CDYL2: variants seen among roughly 807,000 people sequenced by gnomAD.
CDYL2 encodes the protein chromodomain Y-like protein 2.
Under a neutral mutation model 49.4 loss-of-function variants are expected in CDYL2, and 23 were observed. The observed-to-expected ratio is 0.47, with a 90% CI of 0.34 to 0.66. The LOEUF is 0.66. Ranked by LOEUF, CDYL2 falls within the 30% of genes least tolerant of loss-of-function variation. The probability of loss-of-function intolerance (pLI) is 0.01; values close to 1 mark genes in which losing one functional copy is unlikely to be tolerated. For missense variants in CDYL2, 678 were observed against 656.4 expected (o/e 1.03, Z -0.36); for synonymous variants, 360 against 268.8 (o/e 1.34, Z -3.32).
chr16:80,616,063 C>T (rs914721876), intron 4 of CDYL2, among the ~76,000 whole-genome samples: 11 of 152,210 alleles, frequency 7.2e-5, no homozygotes, highest in African/African-American at 1.9e-4. Context: ...CTGCTCTACC[C>T]GACCCCTGTG....
At chr16:80,789,170 G>T (rs1405580079) in intron 1 of CDYL2, among the ~76,000 whole-genome samples, 1 of 152,062 alleles carries the variant, frequency 6.6e-6, no homozygotes, top group Non-Finnish European at 1.5e-5. Context: ...ATACACTATT[G>T]CTGGGAATGT....
chr16:80,737,834 T>C (rs1418719964), intron 1 of CDYL2, among the ~76,000 whole-genome samples: 4 of 152,180 alleles, frequency 2.6e-5, no homozygotes, highest in Admixed American at 2.6e-4. Context: ...ATGGGAGAGA[T>C]TCTTTTTTCT....
intron 2 of CDYL2, among the ~76,000 whole-genome samples, chr16:80,635,792 C>G (rs554561980): frequency 2.0e-5 from 3 of 152,294 alleles, no homozygotes; most frequent in Admixed American, 2.0e-4. Context: ...CTGGAGGCAT[C>G]ATGCTACCTG....
At chr16:80,643,436 G>A (rs1436792263) in intron 2 of CDYL2, among the ~76,000 whole-genome samples, 2 of 152,220 alleles carry the variant, frequency 1.3e-5, no homozygotes, top group East Asian at 3.9e-4. Context: ...GGAGGACGGT[G>A]GCCCTTTTCT....
intron 1 of CDYL2, among the ~76,000 whole-genome samples, chr16:80,703,962 T>A (rs116477154): frequency 6.6e-6 from 1 of 152,250 alleles, no homozygotes; most frequent in African/African-American, 2.4e-5. Context: ...CATACTGAAT[T>A]CCAAAGTACA....
chr16:80,646,603 A>C (rs2142412965), intron 2 of CDYL2, among the ~76,000 whole-genome samples: 1 of 152,328 alleles, frequency 6.6e-6, no homozygotes, highest in South Asian at 2.1e-4. Context: ...ATCTTGGCTA[A>C]CATGGTGAAA....
At chr16:80,764,864 T>C (rs910050410) in intron 1 of CDYL2, among the ~76,000 whole-genome samples, 1 of 151,674 alleles carries the variant, frequency 6.6e-6, no homozygotes, top group Non-Finnish European at 1.5e-5. Flanking sequence ...ATCAAGACCA[T>C]TCTGGCTAAC....
At chr16:80,638,976 A>T (rs1193633590) in intron 2 of CDYL2, among the ~76,000 whole-genome samples, 1 of 152,172 alleles carries the variant, frequency 6.6e-6, no homozygotes, top group African/African-American at 2.4e-5. Context: ...AAAAATTTTT[A>T]AATTGGACAT....
intron 1 of CDYL2, among the ~76,000 whole-genome samples, chr16:80,761,430 G>A (rs969588759): frequency 2.0e-5 from 3 of 152,208 alleles, no homozygotes; most frequent in South Asian, 2.1e-4. Context: ...GCTTAGTAGA[G>A]AGCTTGACGT....
chr16:80,633,689 T>A (rs1258705736), intron 2 of CDYL2, among the ~76,000 whole-genome samples: 2 of 151,860 alleles, frequency 1.3e-5, no homozygotes, highest in Non-Finnish European at 2.9e-5. Context: ...CCTTATTTAA[T>A]ATGAGAACCA....
At chr16:80,781,330 G>A (rs1419957985) in intron 1 of CDYL2, among the ~76,000 whole-genome samples, 1 of 151,994 alleles carries the variant, frequency 6.6e-6, no homozygotes, top group Non-Finnish European at 1.5e-5. Context: ...AATCCATCAA[G>A]AAGACATAGC....
intron 3 of CDYL2, among the ~76,000 whole-genome samples, chr16:80,630,542 A>G (rs1907513827): frequency 6.6e-6 from 1 of 152,210 alleles, no homozygotes; most frequent in African/African-American, 2.4e-5. Context: ...GTGTATAAAC[A>G]TATGAAGAGC....
chr16:80,749,825 T>G (rs546398669), intron 1 of CDYL2, among the ~76,000 whole-genome samples: 3 of 152,268 alleles, frequency 2.0e-5, no homozygotes, highest in African/African-American at 7.2e-5. Flanking sequence ...AGCAAAGACT[T>G]GGAACCAACC....
At chr16:80,726,717 C>A (rs935762130) in intron 1 of CDYL2, among the ~76,000 whole-genome samples, 5 of 151,972 alleles carry the variant, frequency 3.3e-5, no homozygotes, top group Non-Finnish European at 7.4e-5. Context: ...ATGGAATATA[C>A]AAAATGAGCC....
At chr16:80,638,345 G>T (rs1597140695) in intron 2 of CDYL2, among the ~76,000 whole-genome samples, 2 of 152,246 alleles carry the variant, frequency 1.3e-5, no homozygotes, top group East Asian at 3.9e-4. Flanking sequence ...AAAGTGCTGG[G>T]ATTATAGGCG....
At chr16:80,705,181 G>C (rs1186173113) in intron 1 of CDYL2, among the ~76,000 whole-genome samples, 1 of 152,234 alleles carries the variant, frequency 6.6e-6, no homozygotes, top group African/African-American at 2.4e-5. Flanking sequence ...TCTGGGACCA[G>C]AGGTGGCATC....
chr16:80,734,258 A>G (rs902508351), intron 1 of CDYL2, among the ~76,000 whole-genome samples: 2 of 152,158 alleles, frequency 1.3e-5, no homozygotes. Context: ...GGGGCCGGGG[A>G]AAGGCAAGGA....
intron 1 of CDYL2, among the ~76,000 whole-genome samples, chr16:80,765,870 C>G (rs1247445496): frequency 5.7e-4 from 52 of 90,452 alleles, no homozygotes; most frequent in African/African-American, 2.3e-3. Context: ...GCAAGACCCT[C>G]ATCTACAAAA....
intron 1 of CDYL2, among the ~76,000 whole-genome samples, chr16:80,803,712 C>T (rs1908002028): frequency 7.0e-6 from 1 of 141,994 alleles, no homozygotes; most frequent in Non-Finnish European, 1.6e-5. Context: ...CAACCCCCGC[C>T]CCACACCCCC....
Sources: gnomAD v4.1 joint callset for allele counts (sites outside exome capture counted in the v4.1 genomes callset) on GRCh38, gnomAD v4.1.1 for gene constraint, MANE v1.5 for transcripts, NCBI Gene and HGNC (gene_info 2026-07-23, HGNC 2026-07-21) for gene names.